CTNNA3: variants seen among roughly 807,000 people sequenced by gnomAD.
The protein encoded by CTNNA3 is catenin alpha-3.
In CTNNA3, 76 loss-of-function variants were observed where a neutral mutation model predicts 95.7. That is an observed-to-expected ratio of 0.79 (90% CI 0.66 to 0.96). The LOEUF (loss-of-function observed/expected upper bound fraction) is 0.96. Among genes scored for constraint, CTNNA3 ranks in the 40% least tolerant of loss-of-function variants. The probability of loss-of-function intolerance (pLI) is 0.00; values close to 1 mark genes in which losing one functional copy is unlikely to be tolerated. For missense variants in CTNNA3, 1,191 were observed against 1,089.8 expected, an observed-to-expected ratio of 1.09 and a Z score of -1.31; for synonymous variants, 431 against 374.4, an observed-to-expected ratio of 1.15 and a Z score of -1.74.
At position 65,925,283 on chromosome 10, in the gene CTNNA3, G is replaced by C. The variant is rs2077151388; in HGVS notation, c.2401-4666C>G. Among the ~76,000 whole-genome samples the C allele has an allele frequency of 1.3e-5, 2 of 151,066 alleles. 1 individual carries two copies. The highest frequency in any genetic ancestry group is 4.2e-4 in the South Asian group (2 of 4,766). The stretch of plus-strand genomic sequence containing the variant: ...ACAACAAATATGAAATAAGCAAACA[G>C]ACAACAACAATAAAATCGAAACAGT... On this transcript the variant is annotated intron_variant, in intron 17 of 17. Transcript: ENST00000433211.
intron 11 of CTNNA3, among the ~76,000 whole-genome samples, chr10:66,436,701 T>C (rs1476040392): frequency 6.6e-6 from 1 of 151,912 alleles, no homozygotes; most frequent in Non-Finnish European, 1.5e-5. Context: ...CTTAAAGTTA[T>C]TGTTACATGT....
At chr10:66,388,910 AAAAG>A (rs1289720975) in intron 11 of CTNNA3, among the ~76,000 whole-genome samples, 1 of 152,152 alleles carries the variant, frequency 6.6e-6, no homozygotes, top group Non-Finnish European at 1.5e-5. Context: ...GAATGCCCGA[AAAAG>A]AAAATCAAAA....
intron 1 of CTNNA3, among the ~76,000 whole-genome samples, chr10:67,707,469 C>T (rs182396023): frequency 2.6e-5 from 4 of 152,274 alleles, no homozygotes; most frequent in Non-Finnish European, 5.9e-5. Flanking sequence ...TTGCTCCCAG[C>T]TATTTACACG....
intron 7 of CTNNA3, among the ~76,000 whole-genome samples, chr10:67,144,554 T>A (rs1211144644): frequency 6.6e-6 from 1 of 152,222 alleles, no homozygotes; most frequent in Non-Finnish European, 1.5e-5. Flanking sequence ...AGCTTTTACA[T>A]CAGTACTTGC....
chr10:67,598,592 A>G (rs1330531696), intron 3 of CTNNA3, among the ~76,000 whole-genome samples: 1 of 152,092 alleles, frequency 6.6e-6, no homozygotes, highest in Non-Finnish European at 1.5e-5. Flanking sequence ...GCTCCTCCCA[A>G]AACAACTATT....
chr10:67,733,986 C>G (rs1346373695), intron 1 of CTNNA3, among the ~76,000 whole-genome samples: 1 of 152,068 alleles, frequency 6.6e-6, no homozygotes, highest in Non-Finnish European at 1.5e-5. Flanking sequence ...AATTTTCCAC[C>G]AGGGAATTTA....
intron 13 of CTNNA3, among the ~76,000 whole-genome samples, chr10:66,156,854 T>G (rs1301522339): frequency 6.6e-6 from 1 of 151,790 alleles, no homozygotes; most frequent in Non-Finnish European, 1.5e-5. Context: ...GTGTGAAAGG[T>G]GCTGAGGGAG....
rs563429382 is a variant in CTNNA3 at position 66,851,507 on chromosome 10, G to C, written c.1048-75983C>G. ...GGCCTGGTGGGATGTGGTTGGATCA[G>C]GGGGGTGGTTTCTCCTGAATGGTTT... On this transcript the variant is annotated intron_variant, in intron 7 of 17. Coordinates refer to ENST00000433211, the MANE Select transcript of CTNNA3 (RefSeq NM_013266.4). Among the ~76,000 whole-genome samples the C allele has an allele frequency of 2.6e-5, 4 of 152,146 alleles. No individual in the cohort carries two copies. In the East Asian group the frequency reaches 7.8e-4, roughly 30 times the overall value.
chr10:66,024,921 T>A (rs1242104949), intron 15 of CTNNA3, among the ~76,000 whole-genome samples: 1 of 152,216 alleles, frequency 6.6e-6, no homozygotes, highest in Non-Finnish European at 1.5e-5. Context: ...GGCTGCTGAT[T>A]ATTTACAGAT....
chr10:67,491,375 C>T (rs1026788883), intron 5 of CTNNA3, among the ~76,000 whole-genome samples: 1 of 152,146 alleles, frequency 6.6e-6, no homozygotes, highest in African/African-American at 2.4e-5. Context: ...GAGCTTATTA[C>T]AGTAGAAGGA....
chr10:65,957,768 T>A (rs1485279689), intron 17 of CTNNA3, among the ~76,000 whole-genome samples: 2 of 152,224 alleles, frequency 1.3e-5, no homozygotes, highest in Non-Finnish European at 2.9e-5. Flanking sequence ...GTTAGTCTGA[T>A]GGGCTTCCCT....
At chr10:66,581,646 A>G (rs771433844) in intron 10 of CTNNA3, among the ~76,000 whole-genome samples, 1 of 151,504 alleles carries the variant, frequency 6.6e-6, no homozygotes, top group Non-Finnish European at 1.5e-5. Context: ...GAAGCTTTTT[A>G]GTTTGAGTCC....
In CTNNA3 at chr10:66,423,874, T is replaced by C. The variant is rs140763760; in HGVS notation, c.1532-44522A>G. ...TGTGTTTCTTTCCTCTTTCTTTAAC[T>C]CTTACAGAATTTGCTTGGGAAAAAC... On this transcript the variant is annotated intron_variant, in intron 11 of 17. Transcript: ENST00000433211. 3.2e-3 allele frequency among the ~76,000 whole-genome samples: 486 copies of C among 152,314 alleles called. 4 individuals are homozygous for C. Among genetic ancestry groups the C allele is most frequent in the Non-Finnish European group, 5.6e-3 (382 of 68,028 alleles).
rs1839264731 is a variant in CTNNA3 at position 67,635,131 on chromosome 10, A to T, written c.99+12284T>A. ...CCAAGACTGAACCAGGAAAAAACTG[A>T]ATGCCTGAATAGACCAATAATGAGT... On this transcript the variant is annotated intron_variant, in intron 2 of 17. Coordinates refer to ENST00000433211, the MANE Select transcript of CTNNA3 (RefSeq NM_013266.4). Among the ~76,000 whole-genome samples, 4 of 152,290 alleles carry T rather than the reference A, an allele frequency of 2.6e-5. No individual in the cohort carries two copies. The South Asian group carries it at 8.3e-4, about 32-fold the overall frequency.
chr10:67,018,824 T>C (rs1273536677), intron 7 of CTNNA3, among the ~76,000 whole-genome samples: 2 of 152,228 alleles, frequency 1.3e-5, no homozygotes, highest in Non-Finnish European at 2.9e-5. Context: ...GTATAAATAT[T>C]AGATATTATT....
chr10:66,559,811 G>A (rs947547992), intron 10 of CTNNA3, among the ~76,000 whole-genome samples: 3 of 151,830 alleles, frequency 2.0e-5, no homozygotes, highest in South Asian at 2.1e-4. Flanking sequence ...TCCATCCCAC[G>A]CCACCCCCTT....
At chr10:66,174,652 G>A (rs1037235761) in intron 13 of CTNNA3, among the ~76,000 whole-genome samples, 2 of 151,874 alleles carry the variant, frequency 1.3e-5, no homozygotes, top group East Asian at 1.9e-4. Context: ...GATAGGATTC[G>A]ATAGGGAGGG....
chr10:67,704,820 T>C (rs1162887953), intron 1 of CTNNA3, among the ~76,000 whole-genome samples: 1 of 152,240 alleles, frequency 6.6e-6, no homozygotes, highest in African/African-American at 2.4e-5. Flanking sequence ...CAAAACAAAC[T>C]ACCATCAGAG....
intron 5 of CTNNA3, among the ~76,000 whole-genome samples, chr10:67,493,766 A>G (rs2133085165): frequency 6.6e-6 from 1 of 152,276 alleles, no homozygotes; most frequent in African/African-American, 2.4e-5. Context: ...GTAGTTAGTA[A>G]GCAGGTCAGC....
Sources: gnomAD v4.1 joint callset for allele counts (sites outside exome capture counted in the v4.1 genomes callset) on GRCh38, gnomAD v4.1.1 for gene constraint, MANE v1.5 for transcripts, NCBI Gene and HGNC (gene_info 2026-07-23, HGNC 2026-07-21) for gene names.